Variants in LDLRAD4 observed in about 807,000 individuals in gnomAD.
LDLRAD4 encodes low-density lipoprotein receptor class A domain-containing protein 4.
A neutral mutation model predicts 17.0 loss-of-function variants in LDLRAD4; 5 were observed. The observed-to-expected ratio is 0.29, with a 90% confidence interval of 0.15 to 0.62. The LOEUF (loss-of-function observed/expected upper bound fraction) is 0.62. Ranked by LOEUF, LDLRAD4 falls within the 20% of genes least tolerant of loss-of-function variation. LDLRAD4 has a pLI of 0.84. For missense variants in LDLRAD4, 340 were observed against 424.7 expected (o/e 0.80, Z 1.75); for synonymous variants, 168 against 171.8 (o/e 0.98, Z 0.17).
intron 3 of LDLRAD4, among the ~76,000 whole-genome samples, chr18:13,595,439 C>T (rs1284443): frequency 0.25 from 37,960 of 151,956 alleles, 4,918 homozygotes; most frequent in Admixed American, 0.31. Flanking sequence ...AGAGTGTTTT[C>T]TAGATTTCCT....
chr18:13,252,037 G>C (rs960964187), intron 1 of LDLRAD4, among the ~76,000 whole-genome samples: 1 of 152,240 alleles, frequency 6.6e-6, no homozygotes, highest in East Asian at 1.9e-4. Flanking sequence ...GTTTGGAGGG[G>C]ACTTGGGTCC....
intron 4 of LDLRAD4, among the ~76,000 whole-genome samples, chr18:13,623,638 G>A (rs901512067): frequency 1.3e-5 from 2 of 152,218 alleles, no homozygotes; most frequent in African/African-American, 4.8e-5. Flanking sequence ...TCCACTTCCC[G>A]ATCTGGTGTA....
At chr18:13,324,204 C>G (rs2081396302) in intron 1 of LDLRAD4, among the ~76,000 whole-genome samples, 1 of 150,440 alleles carries the variant, frequency 6.6e-6, no homozygotes, top group African/African-American at 2.4e-5. Flanking sequence ...GTGGCACGAT[C>G]TCGGCTCACT....
chr18:13,275,771 T>TA (rs144559555), upstream of LDLRAD4, among the ~76,000 whole-genome samples: 79,755 of 151,472 alleles, frequency 0.53, 21,463 homozygotes, highest in Middle Eastern at 0.59. Flanking sequence ...AAATTAAGAA[T>TA]AAAAAAAATG....
At chr18:13,375,475 C>T (rs903997624) in intron 1 of LDLRAD4, among the ~76,000 whole-genome samples, 7 of 152,084 alleles carry the variant, frequency 4.6e-5, no homozygotes, top group Non-Finnish European at 7.3e-5. Flanking sequence ...CTCGGCAGTG[C>T]GAGTGAGTCA....
intron 2 of LDLRAD4, chr18:13,426,263 T>C (rs1248466246): frequency 6.6e-6 from 1 of 152,252 alleles, no homozygotes; most frequent in African/African-American, 2.4e-5. Context: ...AAATATTCTC[T>C]TTTTGGTTAC....
intron 1 of LDLRAD4, among the ~76,000 whole-genome samples, chr18:13,257,928 G>A (rs528142203): frequency 6.6e-6 from 1 of 152,322 alleles, no homozygotes; most frequent in East Asian, 1.9e-4. Context: ...AATGGGGCTG[G>A]GTGCAGTGGC....
intron 3 of LDLRAD4, among the ~76,000 whole-genome samples, chr18:13,579,270 AT>A (rs763893976): frequency 5.3e-5 from 8 of 152,256 alleles, no homozygotes; most frequent in Non-Finnish European, 1.0e-4. Flanking sequence ...ATATCTAAAA[AT>A]ATCTACAAAA....
chr18:13,462,789 G>A (rs140818286), intron 3 of LDLRAD4, among the ~76,000 whole-genome samples: 3 of 152,302 alleles, frequency 2.0e-5, no homozygotes, highest in Non-Finnish European at 2.9e-5. Flanking sequence ...CAGAGAGCCT[G>A]AGCAGAGCCC....
chr18:13,638,173 A>G (rs1301051231), intron 4 of LDLRAD4, among the ~76,000 whole-genome samples: 1 of 152,032 alleles, frequency 6.6e-6, no homozygotes, highest in African/African-American at 2.4e-5. Context: ...CGGGAGGCTG[A>G]GGTGGGAGGA....
intron 3 of LDLRAD4, among the ~76,000 whole-genome samples, chr18:13,504,952 G>C (rs1213614056): frequency 3.9e-5 from 6 of 152,166 alleles, no homozygotes; most frequent in African/African-American, 1.4e-4. Context: ...GGTGGATGGA[G>C]AGGGTGGCTT....
rs74468210 is a variant in LDLRAD4, at chr18:13,256,655, C to T, written c.-466-21450C>T. Among the ~76,000 whole-genome samples the T allele has an allele frequency of 2.1e-3, 318 of 152,294 alleles. 8 individuals carry two copies. The East Asian group carries it at 0.049, about 24-fold the overall frequency. ...TACTTGGGTCAGGTTACAGATCGACCCCACTAGCATCCAGCAATCTGGCAC... is the reference window on the plus strand; with the variant it reads ...TACTTGGGTCAGGTTACAGATCGACTCCACTAGCATCCAGCAATCTGGCAC... On this transcript the variant is annotated intron_variant, in intron 1 of 5. Transcript: ENST00000399848.
intron 1 of LDLRAD4, among the ~76,000 whole-genome samples, chr18:13,247,316 ACAT>A (rs2043003576): frequency 6.6e-6 from 1 of 151,376 alleles, no homozygotes; most frequent in South Asian, 2.1e-4. Context: ...AAAGGCATTA[ACAT>A]CATATGTAAT....
At chr18:13,525,223 C>G (rs1214536817) in intron 3 of LDLRAD4, among the ~76,000 whole-genome samples, 1 of 152,182 alleles carries the variant, frequency 6.6e-6, no homozygotes, top group Non-Finnish European at 1.5e-5. Context: ...CAGCAAATGA[C>G]TTAATGTCCA....
chr18:13,583,855 G>A (rs922809071), intron 3 of LDLRAD4, among the ~76,000 whole-genome samples: 2 of 152,184 alleles, frequency 1.3e-5, no homozygotes, highest in African/African-American at 2.4e-5. Flanking sequence ...CTTAATGAAT[G>A]TCAGGCTCAG....
intron 1 of LDLRAD4, among the ~76,000 whole-genome samples, chr18:13,253,831 T>C (rs1256589742): frequency 1.3e-5 from 2 of 152,232 alleles, no homozygotes; most frequent in African/African-American, 2.4e-5. Flanking sequence ...AACAGGAAGC[T>C]GCCGGGTGAG....
rs745775047 is a variant in LDLRAD4, at chr18:13,621,149, G to A, written c.214G>A (p.Val72Ile). The A allele has an allele frequency of 2.3e-5, 37 of 1,614,064 alleles. No individual in the cohort carries two copies. Among genetic ancestry groups the A allele is most frequent in the South Asian group, 4.4e-5 (4 of 91,084 alleles). The change falls in exon 4 of 6, where the codon GTC (valine) becomes ATC (isoleucine). Residue 72 changes from valine to isoleucine, a missense_variant. By Grantham distance (29) the Val-to-Ile change is conservative (BLOSUM62 3). Transcript: ENST00000359446. This position sits in a 1 kb window ranked among gnomAD's most constrained non-coding sequence, Gnocchi z 5.5. Reference sequence around the variant, plus strand: ...GGAGTTCGCCCAAATCATCATCATCGTCGTGGTGGTCACGGTGATGGTGGT... The same window carrying A: ...GGAGTTCGCCCAAATCATCATCATCATCGTGGTGGTCACGGTGATGGTGGT...
intron 2 of LDLRAD4, among the ~76,000 whole-genome samples, chr18:13,390,461 C>T (rs2086183519): frequency 6.6e-6 from 1 of 152,106 alleles, no homozygotes; most frequent in Non-Finnish European, 1.5e-5. Context: ...GGGGAGCTTC[C>T]CTACCACCTG....
upstream of LDLRAD4, among the ~76,000 whole-genome samples, chr18:13,275,806 A>G (rs2044830131): frequency 6.6e-6 from 1 of 152,170 alleles, no homozygotes; most frequent in African/African-American, 2.4e-5. Flanking sequence ...TGTGCCACAT[A>G]CTCTGCAAAG....
Sources: gnomAD v4.1 joint callset for allele counts (sites outside exome capture counted in the v4.1 genomes callset) on GRCh38, gnomAD v4.1.1 for gene constraint, Gnocchi (gnomAD v3.1) non-coding constraint, MANE v1.5 for transcripts, NCBI Gene and HGNC (gene_info 2026-07-23, HGNC 2026-07-21) for gene names.